CARMIL1: variants seen among roughly 807,000 people sequenced by gnomAD.
The protein encoded by CARMIL1 is capping protein regulator and myosin 1 linker 1.
CARMIL1 carries 90 observed loss-of-function variants against 177.1 expected under a neutral mutation model. The ratio of observed to expected loss-of-function variants is 0.51; its 90% CI spans 0.43 to 0.61. CARMIL1 has a LOEUF of 0.61. Ranked by LOEUF, CARMIL1 falls within the 20% of genes least tolerant of loss-of-function variation. The pLI, the probability that CARMIL1 is intolerant of heterozygous loss-of-function variation, is 0.00. For synonymous variants in CARMIL1, 577 were observed against 606.2 expected (o/e 0.95, Z 0.71); for missense variants, 1,380 against 1,667.0 (o/e 0.83, Z 3.00).
chr6:25,377,609 G>A (rs926203856), intron 2 of CARMIL1, among the ~76,000 whole-genome samples: 3 of 152,190 alleles, frequency 2.0e-5, no homozygotes, highest in Non-Finnish European at 4.4e-5. Flanking sequence ...TGGCAGGGGA[G>A]TGCTGTGAGA....
rs1554167803 is a variant in CARMIL1 at position 25,340,777 on chromosome 6, G to GTTTTTTGTT, written c.138+55874_138+55875insGTTTTTTTT. On this transcript the variant is annotated intron_variant, in intron 2 of 36. Transcript: ENST00000329474. Reference sequence around the variant, plus strand: ...AAGCTGGAGAAGGCTGTCAATGAAGGTTTTTTTTTTTTTTTTTTTTTTTTT... The same window carrying GTTTTTTGTT: ...AAGCTGGAGAAGGCTGTCAATGAAGGTTTTTTGTTTTTTTTTTTTTTTTTTTTTTTTTTT... 1.6e-3 allele frequency among the ~76,000 whole-genome samples: 134 copies of GTTTTTTGTT among 86,162 alleles called. 3 individuals are homozygous for GTTTTTTGTT. The highest frequency in any genetic ancestry group is 0.012 in the Middle Eastern group (1 of 86). 56.5% of individuals were successfully genotyped at this position (86,162 alleles called of 152,430 possible). A position where few individuals can be genotyped will look rare whatever the true frequency, so the allele number is the denominator to read the frequency against.
chr6:25,507,212 G>A (rs67245361), intron 17 of CARMIL1, among the ~76,000 whole-genome samples: 66,298 of 151,918 alleles, frequency 0.44, 14,839 homozygotes, highest in Middle Eastern at 0.52. Flanking sequence ...TACAGTAATG[G>A]AAAAGCTTTT....
chr6:25,544,713 A>G (rs373038083), intron 26 of CARMIL1, among the ~76,000 whole-genome samples: 53 of 152,288 alleles, frequency 3.5e-4, no homozygotes, highest in African/African-American at 1.2e-3. Context: ...CTGAGCTACA[A>G]GAAAGACTAA....
At chr6:25,514,916 C>T (rs1338887520) in intron 20 of CARMIL1, among the ~76,000 whole-genome samples, 1 of 143,716 alleles carries the variant, frequency 7.0e-6, no homozygotes, top group Non-Finnish European at 1.5e-5. Context: ...CTGCACAGAG[C>T]GAGACCCTGT....
intron 2 of CARMIL1, among the ~76,000 whole-genome samples, chr6:25,382,254 C>T (rs60556647): frequency 0.15 from 22,566 of 152,002 alleles, 1,724 homozygotes; most frequent in African/African-American, 0.19. Context: ...TACGTCACCA[C>T]GTCTGGCTAA....
intron 2 of CARMIL1, among the ~76,000 whole-genome samples, chr6:25,338,933 A>C (rs1296781590): frequency 7.2e-6 from 1 of 138,632 alleles, no homozygotes; most frequent in Non-Finnish European, 1.6e-5. Flanking sequence ...AGTCTCTGCC[A>C]GCATGAATCC....
At position 25,510,495 on chromosome 6, in the gene CARMIL1, G is replaced by T. The variant is rs753912889; in HGVS notation, c.1478-12G>T. ...TGTGTTTTGATGTTCTACTTACTCT[G>T]ATTCTTTCCAGGTTTAGAATCTGAC... is the stretch of plus-strand genomic sequence containing the variant. On this transcript the variant is annotated splice_polypyrimidine_tract_variant and intron_variant, in intron 18 of 36. Coordinates refer to ENST00000329474, the MANE Select transcript of CARMIL1 (RefSeq NM_017640.6). 3 of 1,459,294 alleles carry T rather than the reference G, an allele frequency of 2.1e-6. No homozygotes were observed. The East Asian group carries it at 7.4e-5, about 36-fold the overall frequency. The allele number at this position is 1,459,294 out of a possible 1,614,324, so 90.4% of individuals were successfully genotyped here. A position where few individuals can be genotyped will look rare whatever the true frequency, so the allele number is the denominator to read the frequency against.
chr6:25,533,074 G>T (rs936638814), intron 24 of CARMIL1, among the ~76,000 whole-genome samples: 7 of 152,112 alleles, frequency 4.6e-5, no homozygotes, highest in Admixed American at 3.9e-4. Context: ...TGAGGAGGGG[G>T]CTTTACTTCT....
At position 25,515,670 on chromosome 6, in the gene CARMIL1, C is replaced by T. The variant is rs775631745; in HGVS notation, c.1633-5C>T. 3.4e-5 allele frequency: 55 copies of T among 1,595,286 alleles called. No individual in the cohort carries two copies. The highest frequency in any genetic ancestry group is 1.7e-4 in the Middle Eastern group (1 of 6,044). On this transcript the variant is annotated splice_polypyrimidine_tract_variant and splice_region_variant and intron_variant, in intron 20 of 36. Transcript: ENST00000329474. The surrounding 1 kb of genome is among the most constrained non-coding windows in gnomAD (Gnocchi z 5.0). ...GCTGAGTGCCGTGTGTCATTTGCTC[C>T]GCAGCCTCTGCAGTCCTTGTCCCTG...
At chr6:25,580,675 CA>C (rs371684714) in intron 29 of CARMIL1, among the ~76,000 whole-genome samples, 3 of 152,280 alleles carry the variant, frequency 2.0e-5, no homozygotes, top group African/African-American at 4.8e-5. Context: ...TAAATTCATT[CA>C]TTGCTCTTTT....
At position 25,529,755 on chromosome 6, in the gene CARMIL1, CAAAAAAAAAAAAAAAA is replaced by C. The variant is rs70977217; in HGVS notation, c.2067+877_2067+892del. ...GGGCGACAGAGCGAGACTCCGTCTCCAAAAAAAAAAAAAAAAAAAAAAAAAAAAAAGAATAGGCTGC... is the reference window on the plus strand; with the variant it reads ...GGGCGACAGAGCGAGACTCCGTCTCCAAAAAAAAAAAAAAGAATAGGCTGC... On this transcript the variant is annotated intron_variant, in intron 24 of 36. Coordinates refer to ENST00000329474, the MANE Select transcript of CARMIL1 (RefSeq NM_017640.6). Among the ~76,000 whole-genome samples the C allele has an allele frequency of 2.8e-3, 94 of 33,584 alleles. 1 individual carries two copies. Among genetic ancestry groups the C allele is most frequent in the African/African-American group, 7.7e-3 (82 of 10,618 alleles). 22.0% of individuals were successfully genotyped at this position (33,584 alleles called of 152,430 possible). A position where few individuals can be genotyped will look rare whatever the true frequency, so the allele number is the denominator to read the frequency against.
At chr6:25,495,403 A>C (rs1042420595) in intron 16 of CARMIL1, among the ~76,000 whole-genome samples, 188 bp downstream of exon 16, 1 of 152,204 alleles carries the variant, frequency 6.6e-6, no homozygotes, top group African/African-American at 2.4e-5. Flanking sequence ...ATATTATTGC[A>C]TCTTCTAAGA....
At chr6:25,560,214 C>A (rs972057175) in intron 29 of CARMIL1, among the ~76,000 whole-genome samples, 1 of 152,082 alleles carries the variant, frequency 6.6e-6, no homozygotes, top group Non-Finnish European at 1.5e-5. Flanking sequence ...AAAGGCAGTT[C>A]TTTTTAAACA....
Position 25,560,447 on chromosome 6 carries a change from G to A in CARMIL1, c.2742+3597G>A, listed in dbSNP as rs117827534. On this transcript the variant is annotated intron_variant, in intron 29 of 36. Transcript: ENST00000329474. Reference sequence around the variant, plus strand: ...TAACTGCAGGGCGGAAAATTAAATGGTTTAAAAAGCCTTCTTATTCATGTG... The same window carrying A: ...TAACTGCAGGGCGGAAAATTAAATGATTTAAAAAGCCTTCTTATTCATGTG... Among the ~76,000 whole-genome samples the A allele has an allele frequency of 1.5e-4, 23 of 152,020 alleles. No homozygotes were observed. The East Asian group carries it at 4.5e-3, about 29-fold the overall frequency.
chr6:25,450,759 C>G (rs1332970051), intron 8 of CARMIL1, 48 bp downstream of exon 8: 1 of 408,272 alleles, frequency 2.4e-6, no homozygotes, highest in Non-Finnish European at 4.2e-6. Flanking sequence ...TCCCTTCCTC[C>G]CTCCCTTCCT....
At chr6:25,311,692 C>T (rs184971102) in intron 2 of CARMIL1, among the ~76,000 whole-genome samples, 39 of 152,096 alleles carry the variant, frequency 2.6e-4, no homozygotes, top group African/African-American at 8.4e-4. Flanking sequence ...ATCCCCCCAA[C>T]CTGCAAAGGT....
chr6:25,493,301 C>G (rs560048908), intron 15 of CARMIL1, among the ~76,000 whole-genome samples: 1 of 152,262 alleles, frequency 6.6e-6, no homozygotes, highest in South Asian at 2.1e-4. Context: ...TAATACGTTA[C>G]CTAGATATAG....
intron 8 of CARMIL1, among the ~76,000 whole-genome samples, chr6:25,463,204 G>C (rs745644850): frequency 6.6e-6 from 1 of 152,016 alleles, no homozygotes; most frequent in African/African-American, 2.4e-5. Flanking sequence ...TGCTAACAAG[G>C]TATCCTTATG....
chr6:25,329,392 T>A (rs1312056237), intron 2 of CARMIL1, among the ~76,000 whole-genome samples: 2 of 152,242 alleles, frequency 1.3e-5, no homozygotes, highest in African/African-American at 2.4e-5. Context: ...ATGCCCATGT[T>A]GACTGCAATT....
Sources: gnomAD v4.1 joint callset for allele counts (sites outside exome capture counted in the v4.1 genomes callset) on GRCh38, gnomAD v4.1.1 for gene constraint, Gnocchi (gnomAD v3.1) non-coding constraint, MANE v1.5 for transcripts, NCBI Gene and HGNC (gene_info 2026-07-23, HGNC 2026-07-21) for gene names.